Variants in MGRN1 observed in about 807,000 individuals in gnomAD.
MGRN1 encodes the protein E3 ubiquitin-protein ligase MGRN1.
Under a neutral mutation model 69.2 loss-of-function variants are expected in MGRN1, and 29 were observed. The observed-to-expected ratio is 0.42, with a 90% CI of 0.31 to 0.57. The LOEUF (loss-of-function observed/expected upper bound fraction) is 0.57. Ranked by LOEUF, MGRN1 falls within the 20% of genes least tolerant of loss-of-function variation. The probability of loss-of-function intolerance (pLI) is 0.15; values close to 1 mark genes in which losing one functional copy is unlikely to be tolerated. For synonymous variants in MGRN1, 470 were observed against 344.2 expected (o/e 1.37, Z -4.04); for missense variants, 998 against 796.2 (o/e 1.25, Z -3.05).
chr16:4,662,903 T>C (rs1276128710), intron 5 of MGRN1, among the ~76,000 whole-genome samples: 1 of 151,982 alleles, frequency 6.6e-6, no homozygotes, highest in Non-Finnish European at 1.5e-5. Context: ...TGGACATCCG[T>C]GGGGGTGGTT....
chr16:4,668,133 TTTTTTC>T, intron 7 of MGRN1, 126 bp from the exon 8 acceptor site: 5 of 614,718 alleles, frequency 8.1e-6, no homozygotes, highest in South Asian at 2.7e-5. Flanking sequence ...CCTTTTTTTT[TTTTTTC>T]TTTTTTCTTT....
chr16:4,629,150 A>ATGTGTGTGTGTG lies in MGRN1; in HGVS notation c.88+4133_88+4144dup, dbSNP rs377682804. Among the ~76,000 whole-genome samples, 806 of 127,644 alleles carry ATGTGTGTGTGTG rather than the reference A, an allele frequency of 6.3e-3. 9 individuals are homozygous for ATGTGTGTGTGTG. The highest frequency in any genetic ancestry group is 0.03 in the Middle Eastern group (7 of 234). 83.7% of individuals were successfully genotyped at this position (127,644 alleles called of 152,430 possible). A position where few individuals can be genotyped will look rare whatever the true frequency, so the allele number is the denominator to read the frequency against. ...TGCACCTGGCCTGCTTTCTGTTCGTATGTGTGTGTGTGTGTGTGTGTGTGT... is the reference window on the plus strand; with the variant it reads ...TGCACCTGGCCTGCTTTCTGTTCGTATGTGTGTGTGTGTGTGTGTGTGTGTGTGTGTGTGTGT... On this transcript the variant is annotated intron_variant, in intron 1 of 16. Coordinates refer to ENST00000262370, the MANE Select transcript of MGRN1 (RefSeq NM_015246.4).
chr16:4,670,316 T>A (rs1056008642), intron 8 of MGRN1, among the ~76,000 whole-genome samples: 6 of 152,200 alleles, frequency 3.9e-5, no homozygotes, highest in Non-Finnish European at 5.9e-5. Flanking sequence ...GATCCCAGCT[T>A]ACTGTAGCCT....
rs1008499157 is a variant in MGRN1, at chr16:4,689,656, C to G, written c.*748C>G. 6.6e-6 allele frequency: 1 copy of G among 152,260 alleles called. No homozygotes were observed. The highest frequency in any genetic ancestry group is 1.5e-5 in the Non-Finnish European group (1 of 68,056). The allele number at this position is 152,260 out of a possible 1,614,324, so 9.4% of individuals were successfully genotyped here. ...CCTGGTGCTGGCTTTGGTGACATCACAAGGCCCCTCCAGGTGCAGGGGCTT... is the reference window on the plus strand; with the variant it reads ...CCTGGTGCTGGCTTTGGTGACATCAGAAGGCCCCTCCAGGTGCAGGGGCTT... On this transcript the variant is annotated 3_prime_UTR_variant, in exon 17 of 17. Coordinates refer to ENST00000262370, the MANE Select transcript of MGRN1 (RefSeq NM_015246.4).
chr16:4,665,815 C>T lies in MGRN1; in HGVS notation c.678+664C>T, dbSNP rs760944799. ...CTCCAAGTACCTGGGATTACAGGCC[C>T]ATGCCACCATGCCTGGCCAATTTTT... On this transcript the variant is annotated intron_variant, in intron 7 of 16. Transcript: ENST00000262370. Among the ~76,000 whole-genome samples the T allele has an allele frequency of 4.6e-5, 7 of 151,938 alleles. No individual in the cohort carries two copies. In the East Asian group the frequency reaches 5.8e-4, roughly 13 times the overall value.
At chr16:4,686,827 C>G (rs570236977) in intron 16 of MGRN1, 2 of 986,898 alleles carry the variant, frequency 2.0e-6, no homozygotes, top group Non-Finnish European at 2.4e-6. Context: ...CTCCCGTGTT[C>G]CGGTCGTGGC....
intron 1 of MGRN1, among the ~76,000 whole-genome samples, chr16:4,625,417 T>G (rs1048891402): frequency 6.6e-5 from 10 of 152,336 alleles, no homozygotes; most frequent in African/African-American, 2.2e-4. Flanking sequence ...ACTCTCATTG[T>G]CATCAGATTG....
chr16:4,639,161 G>T (rs2078102440), intron 1 of MGRN1, among the ~76,000 whole-genome samples: 1 of 152,098 alleles, frequency 6.6e-6, no homozygotes, highest in South Asian at 2.1e-4. Flanking sequence ...GAGCGGGGAG[G>T]TCATGAGGAT....
intron 1 of MGRN1, among the ~76,000 whole-genome samples, chr16:4,647,052 C>T (rs1421045829): frequency 6.6e-6 from 1 of 152,228 alleles, no homozygotes; most frequent in East Asian, 1.9e-4. Context: ...CTAAGGGTGC[C>T]CCCGACGATG....
In MGRN1 at chr16:4,682,874, C is replaced by G. The variant is rs371210945; in HGVS notation, c.1410C>G (p.Leu470=). Residue 470 remains leucine (L), a synonymous_variant, in exon 14 of 17, where the codon CTC becomes CTG. Transcript: ENST00000262370. ...TCCACGAAGAGGATGAGGAGAAGCT[C>G]TCCGAGGACGTGGACGCCCCTCCCC... The part of the protein sequence containing the change: ...SPIHEEDEEK[L]SEDVDAPPPL... 8.1e-4 allele frequency: 1,303 copies of G among 1,610,166 alleles called. 3 individuals carry two copies. The highest frequency in any genetic ancestry group is 1.1e-3 in the Non-Finnish European group (1,248 of 1,177,324).
chr16:4,660,217 T>C (rs544852649), intron 5 of MGRN1, among the ~76,000 whole-genome samples: 2 of 152,336 alleles, frequency 1.3e-5, no homozygotes. Flanking sequence ...TTTTTCTCTC[T>C]AGAGTGTTAG....
chr16:4,658,101 G>C (rs1048570563), intron 5 of MGRN1, among the ~76,000 whole-genome samples: 33 of 151,950 alleles, frequency 2.2e-4, no homozygotes, highest in African/African-American at 7.2e-4. Context: ...TGGCTGCTTT[G>C]CTAGTTGCTC....
At chr16:4,642,089 C>T (rs535813964) in intron 1 of MGRN1, among the ~76,000 whole-genome samples, 48 of 150,360 alleles carry the variant, frequency 3.2e-4, no homozygotes, top group African/African-American at 1.2e-3. Flanking sequence ...GGTAACCCTG[C>T]ACTGTCATGC....
chr16:4,645,371 G>C (rs777427815), intron 1 of MGRN1, among the ~76,000 whole-genome samples: 1 of 152,146 alleles, frequency 6.6e-6, no homozygotes, highest in African/African-American at 2.4e-5. Flanking sequence ...GTCTCCCTAT[G>C]TTGCCCAGGC....
In MGRN1 at chr16:4,657,250, A is replaced by G. The variant is rs1442986144; in HGVS notation, c.448A>G (p.Ser150Gly). 1 of 1,613,508 alleles carries G rather than the reference A, an allele frequency of 6.2e-7. No homozygotes were observed. The highest frequency in any genetic ancestry group is 1.3e-5 in the African/African-American group (1 of 75,038). Residue 150 changes from serine to glycine, a missense_variant, in exon 5 of 17, where the codon AGC becomes GGC. Coordinates refer to ENST00000262370, the MANE Select transcript of MGRN1 (RefSeq NM_015246.4). ...CTTGCTCCTGGCTCCCTGCAGATAC[A>G]GCCCCAAGAGCCCCTCGCTACAGTC... is the stretch of plus-strand genomic sequence containing the variant. ...EEFLNGRAVY[S>G]PKSPSLQSET...
rs911159559 is a variant in MGRN1, at chr16:4,689,517, G to A, written c.*609G>A. ...CGGGGCCTTGGGGTGCATGGGTGCC[G>A]CCCTGGGCAGCTAGAGTGTCTCAGC... On this transcript the variant is annotated 3_prime_UTR_variant, in exon 17 of 17. Coordinates refer to ENST00000262370, the MANE Select transcript of MGRN1 (RefSeq NM_015246.4). The A allele has an allele frequency of 3.1e-4, 47 of 152,732 alleles. No homozygotes were observed. Among genetic ancestry groups the A allele is most frequent in the Non-Finnish European group, 5.4e-4 (37 of 68,172 alleles). The allele number at this position is 152,732 out of a possible 1,614,324, so 9.5% of individuals were successfully genotyped here.
At chr16:4,646,753 C>T (rs560579765) in intron 1 of MGRN1, among the ~76,000 whole-genome samples, 7 of 152,348 alleles carry the variant, frequency 4.6e-5, no homozygotes, top group Non-Finnish European at 7.3e-5. Context: ...TGGGGGCCCT[C>T]GTGGAGGCTG....
Position 4,676,611 on chromosome 16 carries a change from C to T in MGRN1, c.956-852C>T, listed in dbSNP as rs148036225. Among the ~76,000 whole-genome samples, 3 of 152,312 alleles carry T rather than the reference C, an allele frequency of 2.0e-5. No individual in the cohort carries two copies. In the South Asian group the frequency reaches 6.2e-4, roughly 32 times the overall value. ...ATTGACACAGAGGAGGCCTGAGGCCCTGTCCCTGGGCTGACGGCAGATGCA... is the reference window on the plus strand; with the variant it reads ...ATTGACACAGAGGAGGCCTGAGGCCTTGTCCCTGGGCTGACGGCAGATGCA... On this transcript the variant is annotated intron_variant, in intron 10 of 16. Coordinates refer to ENST00000262370, the MANE Select transcript of MGRN1 (RefSeq NM_015246.4).
chr16:4,627,662 G>A (rs559805727), intron 1 of MGRN1, among the ~76,000 whole-genome samples: 44 of 151,732 alleles, frequency 2.9e-4, no homozygotes, highest in Admixed American at 2.0e-3. Context: ...GATGGCAGGC[G>A]TCTATAGTCC....
Sources: gnomAD v4.1 joint callset for allele counts (sites outside exome capture counted in the v4.1 genomes callset) on GRCh38, gnomAD v4.1.1 for gene constraint, MANE v1.5 for transcripts, NCBI Gene and HGNC (gene_info 2026-07-23, HGNC 2026-07-21) for gene names.